Variants in SCLT1 observed in about 807,000 individuals in gnomAD.
SCLT1 encodes the protein sodium channel and clathrin linker 1, also known as sodium channel-associated protein 1.
Under a neutral mutation model 112.8 loss-of-function variants are expected in SCLT1, and 78 were observed. The observed-to-expected ratio is 0.69, with a 90% CI of 0.58 to 0.83. The LOEUF is 0.83. SCLT1 is among the 40% of genes least tolerant of loss of function. The pLI, the probability that SCLT1 is intolerant of heterozygous loss-of-function variation, is 0.00. For synonymous variants in SCLT1, 257 were observed against 254.7 expected (o/e 1.01, Z -0.09); for missense variants, 747 against 770.4 (o/e 0.97, Z 0.36).
intron 9 of SCLT1, among the ~76,000 whole-genome samples, chr4:128,984,221 C>T (rs937796053): frequency 1.3e-5 from 2 of 152,134 alleles, no homozygotes; most frequent in Non-Finnish European, 2.9e-5. Flanking sequence ...ATGAATCTTC[C>T]AGGCAGATGT....
chr4:128,882,105 T>C (rs1383770323), downstream of SCLT1, among the ~76,000 whole-genome samples: 2 of 152,198 alleles, frequency 1.3e-5, no homozygotes, highest in African/African-American at 4.8e-5. Flanking sequence ...ATAATACTTA[T>C]ATTCCATTTG....
intron 18 of SCLT1, among the ~76,000 whole-genome samples, chr4:128,893,256 T>C (rs1291002591): frequency 1.3e-5 from 2 of 152,202 alleles, no homozygotes; most frequent in African/African-American, 4.8e-5. Context: ...TTCCACAATA[T>C]TTAAGATCAC....
chr4:128,928,683 C>T (rs1455378268), intron 18 of SCLT1, among the ~76,000 whole-genome samples: 2 of 151,838 alleles, frequency 1.3e-5, no homozygotes, highest in East Asian at 1.9e-4. Flanking sequence ...AATACAAAAA[C>T]TAACCAGGCG....
intron 5 of SCLT1, among the ~76,000 whole-genome samples, chr4:129,033,134 A>G (rs1002513817): frequency 6.6e-6 from 1 of 151,638 alleles, no homozygotes; most frequent in Non-Finnish European, 1.5e-5. Flanking sequence ...ACATATACAC[A>G]TATATACCAC....
At position 129,082,370 on chromosome 4, in the gene SCLT1, C is replaced by T. The variant is rs375916585; in HGVS notation, c.38G>A (p.Arg13Gln). ...AEIDFLREQN[R>Q]RLNEDFRRYQ... ...CCGCCTAAAATCTTCATTTAGTCTTCGATCTGAAACAAGCGGGAAAACAGA... is the reference window on the plus strand; with the variant it reads ...CCGCCTAAAATCTTCATTTAGTCTTTGATCTGAAACAAGCGGGAAAACAGA... The change falls in exon 2 of 21, where the codon CGA (arginine) becomes CAA (glutamine). Residue 13 changes from arginine to glutamine, a missense_variant. By Grantham distance (43) the Arg-to-Gln change is conservative. Coordinates refer to ENST00000281142, the MANE Select transcript of SCLT1 (RefSeq NM_144643.4). 142 of 1,584,630 alleles carry T rather than the reference C, an allele frequency of 9.0e-5. No homozygotes were observed. Among genetic ancestry groups the T allele is most frequent in the Middle Eastern group, 3.3e-4 (2 of 6,008 alleles).
chr4:128,904,538 C>T (rs1734550705), intron 18 of SCLT1, among the ~76,000 whole-genome samples: 3 of 152,108 alleles, frequency 2.0e-5, no homozygotes, highest in Admixed American at 2.0e-4. Context: ...TTCAGCCCTT[C>T]CCTCTCTTCT....
At chr4:128,944,785 G>C (rs1247414543) in intron 16 of SCLT1, 1 of 152,150 alleles carries the variant, frequency 6.6e-6, no homozygotes, top group East Asian at 1.9e-4. Context: ...AATTCCTCCT[G>C]TCTTGATGAA....
chr4:128,983,248 A>G (rs1462412723), intron 9 of SCLT1, among the ~76,000 whole-genome samples: 2 of 152,218 alleles, frequency 1.3e-5, no homozygotes, highest in Non-Finnish European at 2.9e-5. Flanking sequence ...CTAGAAAGAT[A>G]TAATAAATGA....
intron 5 of SCLT1, chr4:129,037,484 T>C (rs913858489): frequency 1.3e-5 from 2 of 152,178 alleles, no homozygotes; most frequent in African/African-American, 4.8e-5. Flanking sequence ...ATGTCTCTTG[T>C]AGTCAATATC....
At chr4:129,064,419 T>A (rs1317192632) in intron 2 of SCLT1, among the ~76,000 whole-genome samples, 1 of 152,186 alleles carries the variant, frequency 6.6e-6, no homozygotes, top group East Asian at 1.9e-4. Context: ...CTGAAGAGTA[T>A]CTGCAACTGA....
chr4:128,985,364 T>A (rs1167872614), intron 9 of SCLT1, among the ~76,000 whole-genome samples: 2 of 152,226 alleles, frequency 1.3e-5, no homozygotes, highest in Non-Finnish European at 2.9e-5. Context: ...TTTAAAAGAT[T>A]TAAACTGTAT....
At chr4:128,965,503 T>C (rs1310513284) in intron 10 of SCLT1, among the ~76,000 whole-genome samples, 185 bp from the exon 11 acceptor site, 1 of 152,228 alleles carries the variant, frequency 6.6e-6, no homozygotes, top group East Asian at 1.9e-4. Flanking sequence ...AGGGGAGAAC[T>C]TCATCATCAA....
chr4:128,980,613 C>T (rs1235791841), intron 9 of SCLT1, among the ~76,000 whole-genome samples: 1 of 152,140 alleles, frequency 6.6e-6, no homozygotes, highest in Non-Finnish European at 1.5e-5. Flanking sequence ...GTCGAGAGAG[C>T]ACTAAACATA....
At chr4:128,996,305 G>A (rs1429741628) in intron 8 of SCLT1, among the ~76,000 whole-genome samples, 2 of 152,070 alleles carry the variant, frequency 1.3e-5, no homozygotes, top group African/African-American at 4.8e-5. Flanking sequence ...GAGAAGGAGT[G>A]TCCAGGATGT....
At chr4:128,963,490 C>T (rs949887659) in intron 11 of SCLT1, among the ~76,000 whole-genome samples, 6 of 152,198 alleles carry the variant, frequency 3.9e-5, no homozygotes, top group South Asian at 4.1e-4. Context: ...CCTGTGAATA[C>T]GAAAGTCCCT....
chr4:128,975,039 A>ATTTTTTTTTTTTTTTTTTTTTTTT (rs1579564140), intron 9 of SCLT1, among the ~76,000 whole-genome samples: 6 of 60,128 alleles, frequency 1.0e-4, no homozygotes, highest in South Asian at 9.5e-4. Flanking sequence ...TTGAATGACA[A>ATTTTTTTTTTTTTTTTTTTTTTTT]CTTTTTTTTT....
chr4:129,049,771 G>T (rs1052814530), intron 2 of SCLT1, among the ~76,000 whole-genome samples: 1 of 151,480 alleles, frequency 6.6e-6, no homozygotes, highest in Non-Finnish European at 1.5e-5. Flanking sequence ...TGTGCAGAAC[G>T]TTCAGGTTTG....
chr4:129,017,182 T>C (rs1745064530), intron 5 of SCLT1, among the ~76,000 whole-genome samples: 1 of 152,110 alleles, frequency 6.6e-6, no homozygotes, highest in African/African-American at 2.4e-5. Flanking sequence ...ATGAAATTTA[T>C]GTGTTTTTTT....
chr4:128,947,354 C>T (rs77151517), intron 15 of SCLT1, among the ~76,000 whole-genome samples: 1,891 of 152,246 alleles, frequency 0.012, 13 homozygotes, highest in South Asian at 0.028. Flanking sequence ...CAGAAGGGAC[C>T]CACCTTGCAG....
Sources: allele counts gnomAD v4.1 joint callset (sites outside exome capture counted in the v4.1 genomes callset), GRCh38; gene constraint gnomAD v4.1.1; transcripts MANE v1.5; gene names NCBI Gene and HGNC (gene_info 2026-07-23, HGNC 2026-07-21).